MATN2: variants seen among roughly 807,000 people sequenced by gnomAD.
MATN2 encodes the protein matrilin 2.
A neutral mutation model predicts 103.2 loss-of-function variants in MATN2; 69 were observed. That is an observed-to-expected ratio of 0.67 (90% CI 0.55 to 0.82). The LOEUF (loss-of-function observed/expected upper bound fraction) is 0.82, where lower values mean the gene tolerates loss of function less well. Among genes scored for constraint, MATN2 ranks in the 40% least tolerant of loss-of-function variants. MATN2 has a pLI of 0.00. For synonymous variants in MATN2, 429 were observed against 450.2 expected (o/e 0.95, Z 0.60); for missense variants, 1,023 against 1,211.5 (o/e 0.84, Z 2.31).
At position 98,017,229 on chromosome 8, in the gene MATN2, T is replaced by C. The variant is rs1485893971; in HGVS notation, c.1696+567T>C. ...GCCTAACTTCTCTAAGCCTCTCTGCTTATTTATCTTTAATAATGTTGTTGT... is the reference window on the plus strand; with the variant it reads ...GCCTAACTTCTCTAAGCCTCTCTGCCTATTTATCTTTAATAATGTTGTTGT... On this transcript the variant is annotated intron_variant, in intron 11 of 18. Transcript: ENST00000254898. 2.0e-5 allele frequency among the ~76,000 whole-genome samples: 3 copies of C among 152,370 alleles called. No individual in the cohort carries two copies. In the East Asian group the frequency reaches 5.8e-4, roughly 29 times the overall value.
Position 97,931,280 on chromosome 8 carries a change from T to C in MATN2, c.470T>C (p.Leu157Pro). The C allele has an allele frequency of 6.2e-7, 1 of 1,613,922 alleles. No homozygotes were observed. ...AFSEAEGARP[L>P]RENVPRVIMI... ...TCAGAAGCAGAGGGGGCCCGGCCCCTGAGGGAGAATGTGCCACGGGTCATA... is the reference window on the plus strand; with the variant it reads ...TCAGAAGCAGAGGGGGCCCGGCCCCCGAGGGAGAATGTGCCACGGGTCATA... The change falls in exon 3 of 19, where the codon CTG becomes CCG. Residue 157 changes from leucine (L) to proline (P), a missense_variant. Coordinates refer to ENST00000254898, the MANE Select transcript of MATN2 (RefSeq NM_002380.5). This position sits in a 1 kb window ranked among gnomAD's most constrained non-coding sequence, Gnocchi z 4.1.
intron 1 of MATN2, among the ~76,000 whole-genome samples, chr8:97,880,187 G>A (rs980217257): frequency 6.6e-6 from 1 of 150,464 alleles, no homozygotes; most frequent in Non-Finnish European, 1.5e-5. Context: ...GCGTTCAAAT[G>A]ATTCTCCTGC....
chr8:97,947,565 G>C (rs577373671), intron 4 of MATN2, among the ~76,000 whole-genome samples: 3 of 152,160 alleles, frequency 2.0e-5, no homozygotes, highest in Non-Finnish European at 4.4e-5. Flanking sequence ...AGATGTGTAT[G>C]ATTTACACAT....
chr8:98,013,724 G>A (rs1331467655), intron 10 of MATN2, among the ~76,000 whole-genome samples: 9 of 152,128 alleles, frequency 5.9e-5, no homozygotes, highest in South Asian at 2.1e-4. Flanking sequence ...CTGCCTTTAA[G>A]TATTCATACC....
intron 12 of MATN2, among the ~76,000 whole-genome samples, chr8:98,019,739 G>A (rs1354974086): frequency 1.3e-5 from 2 of 152,220 alleles, no homozygotes; most frequent in African/African-American, 2.4e-5. Flanking sequence ...TTTGGGGGGA[G>A]GGGTGGTTGA....
intron 3 of MATN2, among the ~76,000 whole-genome samples, chr8:97,933,759 A>ACT (rs1810280035): frequency 6.6e-6 from 1 of 152,110 alleles, no homozygotes; most frequent in Admixed American, 6.6e-5. Context: ...TCCACTCTGC[A>ACT]GGAGACAGGG....
chr8:97,913,365 A>G (rs1440249994), intron 2 of MATN2, among the ~76,000 whole-genome samples: 1 of 141,838 alleles, frequency 7.1e-6, no homozygotes, highest in Non-Finnish European at 1.5e-5. Context: ...CCTAGGTTGG[A>G]GTGCAGTGGC....
chr8:97,885,372 C>G (rs1023560662), intron 1 of MATN2, among the ~76,000 whole-genome samples: 1 of 151,580 alleles, frequency 6.6e-6, no homozygotes, highest in Non-Finnish European at 1.5e-5. Flanking sequence ...CCCAGCTACT[C>G]GGGAGGCTTG....
chr8:97,952,582 A>T (rs2130229816), intron 4 of MATN2, among the ~76,000 whole-genome samples: 1 of 92,470 alleles, frequency 1.1e-5, no homozygotes, highest in African/African-American at 3.7e-5. Flanking sequence ...TCTAGGGTGC[A>T]TGGGAGTCTC....
chr8:97,983,842 G>A (rs1377762245), intron 6 of MATN2, among the ~76,000 whole-genome samples: 1 of 152,132 alleles, frequency 6.6e-6, no homozygotes, highest in African/African-American at 2.4e-5. Flanking sequence ...AGTAGAGATG[G>A]GGTCTGCTAT....
chr8:98,007,642 C>G lies in MATN2; in HGVS notation c.1573+41C>G, dbSNP rs370352436. On this transcript the variant is annotated intron_variant, in intron 10 of 18. Transcript: ENST00000254898. This position sits in a 1 kb window ranked among gnomAD's most constrained non-coding sequence, Gnocchi z 4.2. ...ACAAGCAGGACCTGCACAGGTGTTC[C>G]GTGGGTGCCGGTGTGGGTGCGCTGC... is the stretch of plus-strand genomic sequence containing the variant. 6.3e-7 allele frequency: 1 copy of G among 1,583,130 alleles called. No individual in the cohort carries two copies. The highest frequency in any genetic ancestry group is 8.6e-7 in the Non-Finnish European group (1 of 1,157,552).
At chr8:97,991,926 G>C (rs1812404148) in intron 6 of MATN2, among the ~76,000 whole-genome samples, 2 of 152,022 alleles carry the variant, frequency 1.3e-5, no homozygotes, top group African/African-American at 2.4e-5. Context: ...AGGCAGCATG[G>C]TTCTAGATTA....
intron 2 of MATN2, among the ~76,000 whole-genome samples, chr8:97,908,709 G>A (rs1819262759): frequency 6.6e-6 from 1 of 151,966 alleles, no homozygotes; most frequent in Non-Finnish European, 1.5e-5. Flanking sequence ...TCGGCTCACT[G>A]CAACCTCCGC....
intron 18 of MATN2, 69 bp from the exon 19 acceptor site, chr8:98,035,588 A>G: frequency 3.1e-6 from 3 of 979,890 alleles, no homozygotes; most frequent in Non-Finnish European, 4.5e-6. Flanking sequence ...TTTTACGTGG[A>G]TAAATCAAGT....
At chr8:97,892,957 G>C (rs890114170) in intron 2 of MATN2, among the ~76,000 whole-genome samples, 3 of 152,166 alleles carry the variant, frequency 2.0e-5, no homozygotes, top group Non-Finnish European at 2.9e-5. Flanking sequence ...GTGGGGCTCC[G>C]ATGTGGCGCT....
intron 2 of MATN2, among the ~76,000 whole-genome samples, chr8:97,928,127 T>C (rs1810053575): frequency 1.3e-5 from 2 of 151,864 alleles, no homozygotes; most frequent in Non-Finnish European, 2.9e-5. Flanking sequence ...TCCTCCTTCC[T>C]GGGATCTGCA....
Position 98,027,733 on chromosome 8 carries a change from C to T in MATN2, c.2260C>T (p.Pro754Ser). 1.2e-6 allele frequency: 2 copies of T among 1,613,832 alleles called. No homozygotes were observed. Among genetic ancestry groups the T allele is most frequent in the Non-Finnish European group, 1.7e-6 (2 of 1,179,868 alleles). The stretch of plus-strand genomic sequence containing the variant: ...TTTTACCCAAGGAGAAGGGGCCAGG[C>T]CCCTTTCCACAAGGGTGCCCAGAGC... ...RSFTQGEGAR[P>S]LSTRVPRAAI... The change falls in exon 14 of 19, where the codon CCC (proline) becomes TCC (serine). Residue 754 changes from proline to serine, a missense_variant. Coordinates refer to ENST00000254898, the MANE Select transcript of MATN2 (RefSeq NM_002380.5).
chr8:98,026,007 G>T (rs1378632800), intron 13 of MATN2, among the ~76,000 whole-genome samples: 1 of 151,066 alleles, frequency 6.6e-6, no homozygotes, highest in African/African-American at 2.4e-5. Flanking sequence ...GCAAAACCCC[G>T]TCTCTACTAA....
intron 4 of MATN2, among the ~76,000 whole-genome samples, chr8:97,950,497 G>A (rs1810911126): frequency 6.6e-6 from 1 of 152,118 alleles, no homozygotes; most frequent in East Asian, 1.9e-4. Flanking sequence ...AATACCTGTG[G>A]ATTCCCCTCT....
Sources: allele counts gnomAD v4.1 joint callset (sites outside exome capture counted in the v4.1 genomes callset), GRCh38; gene constraint gnomAD v4.1.1; non-coding constraint Gnocchi (gnomAD v3.1); transcripts MANE v1.5; gene names NCBI Gene and HGNC (gene_info 2026-07-23, HGNC 2026-07-21).